Variants in RFX7 observed in about 807,000 individuals in gnomAD.
RFX7 encodes the protein DNA-binding protein RFX7.
A neutral mutation model predicts 111.8 loss-of-function variants in RFX7; 26 were observed. The observed-to-expected ratio is 0.23, with a 90% CI of 0.17 to 0.32. The LOEUF is 0.32. RFX7 is among the 10% of genes least tolerant of loss of function. The probability of loss-of-function intolerance (pLI) is 1.00; values close to 1 mark genes in which losing one functional copy is unlikely to be tolerated. For synonymous variants in RFX7, 624 were observed against 624.4 expected, an observed-to-expected ratio of 1.00 and a Z score of 0.01; for missense variants, 1,573 against 1,772.9, an observed-to-expected ratio of 0.89 and a Z score of 2.02.
intron 2 of RFX7, among the ~76,000 whole-genome samples, chr15:56,186,240 A>G (rs903545192): frequency 6.6e-6 from 1 of 152,148 alleles, no homozygotes; most frequent in Non-Finnish European, 1.5e-5. Flanking sequence ...TTCAGGTTCT[A>G]TGCTTTAGTT....
intron 3 of RFX7, among the ~76,000 whole-genome samples, chr15:56,156,957 G>A (rs546415220): frequency 2.0e-5 from 3 of 152,180 alleles, no homozygotes; most frequent in African/African-American, 4.8e-5. Flanking sequence ...CTCAAGTGGG[G>A]ACCTGAAAAT....
intron 2 of RFX7, among the ~76,000 whole-genome samples, chr15:56,221,801 ATCTG>A (rs1396530786): frequency 3.9e-5 from 6 of 152,202 alleles, no homozygotes; most frequent in African/African-American, 1.2e-4. Flanking sequence ...GTGCAATTCA[ATCTG>A]TCTTACTACT....
At chr15:56,131,271 C>CTT (rs140251962) in intron 5 of RFX7, among the ~76,000 whole-genome samples, 25 of 74,050 alleles carry the variant, frequency 3.4e-4, no homozygotes, top group African/African-American at 1.3e-3. Flanking sequence ...TATTAGGTAT[C>CTT]TTTTTTTTTT....
In RFX7 at chr15:56,155,737, C is replaced by T. The variant is rs576926265; in HGVS notation, c.196-11254G>A. On this transcript the variant is annotated intron_variant, in intron 3 of 9. Coordinates refer to ENST00000559447, the MANE Select transcript of RFX7 (RefSeq NM_022841.7). ...ATGTAACAAAACTGCACGTTCTGCA[C>T]ATGTAACCCAGAACTTAAAAAGTAT... 5.1e-4 allele frequency among the ~76,000 whole-genome samples: 78 copies of T among 152,192 alleles called. 1 individual carries two copies. The highest frequency in any genetic ancestry group is 1.9e-3 in the South Asian group (9 of 4,822).
intron 3 of RFX7, among the ~76,000 whole-genome samples, chr15:56,162,534 C>T (rs1447663277): frequency 6.6e-6 from 1 of 151,820 alleles, no homozygotes; most frequent in African/African-American, 2.4e-5. Flanking sequence ...TGAAAGCTAG[C>T]TGACAATGGT....
chr15:56,102,095 CTT>C (rs1257342142), intron 7 of RFX7, 72 bp downstream of exon 7: 14 of 1,091,140 alleles, frequency 1.3e-5, no homozygotes, highest in Non-Finnish European at 1.9e-5. Flanking sequence ...CCAAATGAGA[CTT>C]TGCAGGATGC....
chr15:56,224,175 A>G (rs537346309), intron 2 of RFX7, among the ~76,000 whole-genome samples: 1 of 152,228 alleles, frequency 6.6e-6, no homozygotes, highest in East Asian at 1.9e-4. Flanking sequence ...AAAATTTTGT[A>G]AAATGAACGG....
At chr15:56,176,456 A>G (rs1265538173) in intron 3 of RFX7, among the ~76,000 whole-genome samples, 1 of 152,182 alleles carries the variant, frequency 6.6e-6, no homozygotes, top group Admixed American at 6.5e-5. Context: ...AAGAAAACTT[A>G]CGTACAGGCA....
rs567307285 is a variant in RFX7 at position 56,095,225 on chromosome 15, G to A, written c.2503C>T (p.Leu835=). ...GAAGATTCCTGTATCTGGCTATGTA[G>A]CTGCTGGCTATATGTGTCCTGTGGC... ...GMPQDTYSQQ[L]HSQIQESSLN... The change falls in exon 10 of 10, where the codon CTA becomes TTA. Residue 835 remains leucine, a synonymous_variant. Transcript: ENST00000559447. The A allele has an allele frequency of 1.6e-4, 253 of 1,613,810 alleles. 1 individual carries two copies. In the East Asian group the frequency reaches 5.6e-3, roughly 36 times the overall value.
At position 56,093,437 on chromosome 15, in the gene RFX7, G is replaced by T; in HGVS notation, c.4291C>A (p.Gln1431Lys). 4 of 1,613,730 alleles carry T rather than the reference G, an allele frequency of 2.5e-6. No individual in the cohort carries two copies. Among genetic ancestry groups the T allele is most frequent in the Non-Finnish European group, 3.4e-6 (4 of 1,179,744 alleles). ...GAATTCATGGATTCACTGCAAATTT[G>T]TTGAAATAATGGGTCATTCTTTAAT... is the stretch of plus-strand genomic sequence containing the variant. ...EELKNDPLFQ[Q>K]ICSESMNSMT... The change falls in exon 10 of 10, where the codon CAA becomes AAA. Residue 1431 changes from glutamine (Q) to lysine (K), a missense_variant. Physicochemically the swap from Gln to Lys is moderately conservative, Grantham distance 53. Coordinates refer to ENST00000559447, the MANE Select transcript of RFX7 (RefSeq NM_022841.7).
At position 56,243,290 on chromosome 15, in the gene RFX7, G is replaced by A. The variant is rs746336032; in HGVS notation, c.-2-3C>T. On this transcript the variant is annotated splice_region_variant and splice_polypyrimidine_tract_variant and intron_variant, in intron 1 of 9. Transcript: ENST00000559447. ...CTGTTGTTGTTCCTCTGCCATCGCT[G>A]CAGAGGGGTGGGAGGGAGGGAGGGA... The A allele has an allele frequency of 1.2e-6, 1 of 812,322 alleles. No individual in the cohort carries two copies. Among genetic ancestry groups the A allele is most frequent in the Non-Finnish European group, 1.7e-6 (1 of 594,794 alleles). The allele number at this position is 812,322 out of a possible 1,614,324, so 50.3% of individuals were successfully genotyped here. A position where few individuals can be genotyped will look rare whatever the true frequency, so the allele number is the denominator to read the frequency against.
intron 2 of RFX7, among the ~76,000 whole-genome samples, chr15:56,237,616 G>A (rs2043638602): frequency 6.6e-6 from 1 of 152,112 alleles, no homozygotes; most frequent in South Asian, 2.1e-4. Flanking sequence ...AAAATTTACA[G>A]TTAGACATAA....
At chr15:56,208,622 AATGATT>A (rs1371742213) in intron 2 of RFX7, among the ~76,000 whole-genome samples, 4 of 152,182 alleles carry the variant, frequency 2.6e-5, no homozygotes, top group African/African-American at 7.2e-5. Flanking sequence ...AGGAATTTAA[AATGATT>A]ATGATTAAGA....
In RFX7 at chr15:56,173,829, C is replaced by T. The variant is rs975495013; in HGVS notation, c.195+5441G>A. Among the ~76,000 whole-genome samples, 20 of 151,718 alleles carry T rather than the reference C, an allele frequency of 1.3e-4. No individual in the cohort carries two copies. In the East Asian group the frequency reaches 3.5e-3, roughly 26 times the overall value. ...GACCACAAAAATGATAGAGATAATA[C>T]AATTAGCAATCAAGGAATTTAAGAC... On this transcript the variant is annotated intron_variant, in intron 3 of 9. Transcript: ENST00000559447.
Position 56,209,768 on chromosome 15 carries a change from A to C in RFX7, c.162-30465T>G, listed in dbSNP as rs187874986. On this transcript the variant is annotated intron_variant, in intron 2 of 9. Transcript: ENST00000559447. ...TAAAAGTGGACCTGGATTAGTTGTA[A>C]ATGTATACTGAAAACTCTAGGGCAA... Among the ~76,000 whole-genome samples the C allele has an allele frequency of 1.5e-3, 225 of 152,140 alleles. 1 individual carries two copies. The highest frequency in any genetic ancestry group is 1.4e-3 in the Non-Finnish European group (97 of 67,908).
chr15:56,218,791 G>A (rs72738683), intron 2 of RFX7, among the ~76,000 whole-genome samples: 19,852 of 152,202 alleles, frequency 0.13, 1,703 homozygotes, highest in East Asian at 0.44. Flanking sequence ...CTTGCAAAAT[G>A]AGGTACAAAT....
At chr15:56,214,443 C>T (rs1162746318) in intron 2 of RFX7, among the ~76,000 whole-genome samples, 5 of 152,052 alleles carry the variant, frequency 3.3e-5, no homozygotes, top group African/African-American at 4.8e-5. Context: ...AGGTCAGGCG[C>T]GGTGGCTCAC....
intron 8 of RFX7, 103 bp downstream of exon 8, chr15:56,101,256 T>C (rs1039735737): frequency 3.5e-5 from 32 of 921,650 alleles, no homozygotes; most frequent in Non-Finnish European, 5.3e-5. Flanking sequence ...CACATGCAAG[T>C]ACTAAAAGGA....
chr15:56,199,355 G>A lies in RFX7; in HGVS notation c.162-20052C>T, dbSNP rs1292987644. 4.6e-5 allele frequency among the ~76,000 whole-genome samples: 7 copies of A among 151,980 alleles called. 1 individual carries two copies. Among genetic ancestry groups the A allele is most frequent in the East Asian group, 3.9e-4 (2 of 5,192 alleles). Reference sequence around the variant, plus strand: ...TCCACGTATAGGTATCTTTCCTTACGTGATTGCTGGTTGCTCCAAATGCTG... The same window carrying A: ...TCCACGTATAGGTATCTTTCCTTACATGATTGCTGGTTGCTCCAAATGCTG... On this transcript the variant is annotated intron_variant, in intron 2 of 9. Transcript: ENST00000559447.
Sources: allele counts gnomAD v4.1 joint callset (sites outside exome capture counted in the v4.1 genomes callset), GRCh38; gene constraint gnomAD v4.1.1; transcripts MANE v1.5; gene names NCBI Gene and HGNC (gene_info 2026-07-23, HGNC 2026-07-21).